The following SORBS2 variants were observed in gnomAD, a reference collection of about 807,000 sequenced individuals.
SORBS2 encodes sorbin and SH3 domain containing 2, also known as sorbin and SH3 domain-containing protein 2.
In SORBS2, 46 loss-of-function variants were observed where a neutral mutation model predicts 97.7. That is an observed-to-expected ratio of 0.47 (90% CI 0.37 to 0.60). The LOEUF is 0.60. Ranked by LOEUF, SORBS2 falls within the 20% of genes least tolerant of loss-of-function variation. The pLI, the probability that SORBS2 is intolerant of heterozygous loss-of-function variation, is 0.00. For synonymous variants in SORBS2, 476 were observed against 473.4 expected (o/e 1.01, Z -0.07); for missense variants, 1,316 against 1,282.3 (o/e 1.03, Z -0.40).
chr4:185,728,461 G>T (rs2098581616), intron 2 of SORBS2, among the ~76,000 whole-genome samples: 1 of 152,072 alleles, frequency 6.6e-6, no homozygotes, highest in Admixed American at 6.6e-5. Context: ...CTTATGCTCT[G>T]GATGAAAACT....
chr4:185,833,665 A>G lies in SORBS2; in HGVS notation c.-337-58299T>C, dbSNP rs528792978. 3.9e-5 allele frequency among the ~76,000 whole-genome samples: 6 copies of G among 152,334 alleles called. No individual in the cohort carries two copies. The East Asian group carries it at 1.2e-3, about 29-fold the overall frequency. ...TTTCTCCATATGAAAAATGGGAATT[A>G]TAGTATCAAATTCATAGGGTTTTAT... is the stretch of plus-strand genomic sequence containing the variant. On this transcript the variant is annotated intron_variant, in intron 1 of 20. Coordinates refer to the SORBS2 transcript ENST00000284776.
At chr4:185,760,971 A>G (rs1470820998) in intron 2 of SORBS2, among the ~76,000 whole-genome samples, 1 of 152,268 alleles carries the variant, frequency 6.6e-6, no homozygotes, top group Non-Finnish European at 1.5e-5. Flanking sequence ...AAAAGTTAAT[A>G]GATACAACCC....
chr4:185,681,982 A>C (rs565631276), intron 2 of SORBS2, among the ~76,000 whole-genome samples: 3 of 152,228 alleles, frequency 2.0e-5, no homozygotes. Context: ...TTTCTTTAGA[A>C]GACTCAAGTG....
intron 1 of SORBS2, among the ~76,000 whole-genome samples, chr4:185,942,526 T>C (rs996524528): frequency 1.3e-5 from 2 of 152,080 alleles, no homozygotes; most frequent in African/African-American, 4.8e-5. Context: ...GACTTTTGTA[T>C]TTTTAGTAGA....
At chr4:185,729,989 A>G (rs1432695957) in intron 2 of SORBS2, among the ~76,000 whole-genome samples, 1 of 151,856 alleles carries the variant, frequency 6.6e-6, no homozygotes, top group African/African-American at 2.4e-5. Context: ...GTCTTGCTCT[A>G]TCGCCCAGAC....
intron 9 of SORBS2, among the ~76,000 whole-genome samples, chr4:185,617,685 C>G (rs1366279449): frequency 6.6e-6 from 1 of 152,162 alleles, no homozygotes. Flanking sequence ...ATATATAAGT[C>G]TGCTTATGTG....
intron 2 of SORBS2, among the ~76,000 whole-genome samples, chr4:185,687,681 T>C (rs2097995132): frequency 6.6e-6 from 1 of 152,182 alleles, no homozygotes; most frequent in Admixed American, 6.5e-5. Context: ...ATCCTTGGGT[T>C]AGACAATTTA....
At chr4:185,752,591 A>T (rs34469648) in intron 2 of SORBS2, among the ~76,000 whole-genome samples, 67,829 of 152,114 alleles carry the variant, frequency 0.45, 15,575 homozygotes, top group Non-Finnish European at 0.5. Context: ...GCAGACTTTT[A>T]AAAAGATATA....
rs113811797 is a variant in SORBS2 at position 185,879,172 on chromosome 4, C to G, written c.-338+77024G>C. ...ATCTCCTAATGCTATCCCTCCCCCC[C>G]CCCCACCCCACGACAGGCCCCGGTG... On this transcript the variant is annotated intron_variant, in intron 1 of 20. Coordinates refer to the SORBS2 transcript ENST00000284776. Among the ~76,000 whole-genome samples, 23 of 100,328 alleles carry G rather than the reference C, an allele frequency of 2.3e-4. 1 individual carries two copies. The East Asian group carries it at 3.5e-3, about 15-fold the overall frequency. The allele number at this position is 100,328 out of a possible 152,430, so 65.8% of individuals were successfully genotyped here. A position where few individuals can be genotyped will look rare whatever the true frequency, so the allele number is the denominator to read the frequency against.
intron 2 of SORBS2, chr4:185,771,698 A>G (rs1282013961): frequency 6.6e-6 from 1 of 152,252 alleles, no homozygotes; most frequent in East Asian, 1.9e-4. Flanking sequence ...TTTGATGGCA[A>G]TTTAATTTTA....
chr4:185,623,077 C>T lies in SORBS2; in HGVS notation c.2052G>A (p.Arg684=), dbSNP rs753914447. ...GGTGGAGAGGCTGGTGCAGGGGGCTCCTCCTCAGCGCTCTCAGGGATGAGT... is the reference window on the plus strand; with the variant it reads ...GGTGGAGAGGCTGGTGCAGGGGGCTTCTCCTCAGCGCTCTCAGGGATGAGT... Residue 684 remains arginine (R), a synonymous_variant, in exon 7 of 15, where the codon AGG becomes AGA. Coordinates refer to ENST00000418609, the Ensembl canonical transcript of SORBS2. The surrounding 1 kb of genome is among the most constrained non-coding windows in gnomAD (Gnocchi z 6.4). 1 of 1,613,978 alleles carries T rather than the reference C, an allele frequency of 6.2e-7. No individual in the cohort carries two copies. The highest frequency in any genetic ancestry group is 2.2e-5 in the East Asian group (1 of 44,880).
intron 1 of SORBS2, among the ~76,000 whole-genome samples, chr4:185,907,708 A>C (rs1179504891): frequency 6.6e-6 from 1 of 152,180 alleles, no homozygotes. Context: ...AGATGTTATT[A>C]TAGGTATAGA....
At chr4:185,717,753 T>C (rs1216186162) in intron 2 of SORBS2, among the ~76,000 whole-genome samples, 1 of 152,320 alleles carries the variant, frequency 6.6e-6, no homozygotes, top group East Asian at 1.9e-4. Flanking sequence ...GATAGACAAT[T>C]CTTTTTCCGT....
chr4:185,732,761 C>A (rs760246870), intron 2 of SORBS2, among the ~76,000 whole-genome samples: 1 of 152,234 alleles, frequency 6.6e-6, no homozygotes, highest in Non-Finnish European at 1.5e-5. Context: ...AGTCCTTCCT[C>A]ACCCCCAGTA....
chr4:185,752,598 T>C (rs2153600414), intron 2 of SORBS2, among the ~76,000 whole-genome samples: 2 of 152,340 alleles, frequency 1.3e-5, no homozygotes, highest in South Asian at 4.1e-4. Context: ...TTTAAAAAGA[T>C]ATATTCAGCT....
In SORBS2 at chr4:185,877,867, C is replaced by CAAAAAAAAAAAAA. The variant is rs1491116547; in HGVS notation, c.-338+78328_-338+78329insTTTTTTTTTTTTT. Reference sequence around the variant, plus strand: ...CCTGGGTGACAGAGTGAGACTCTGTCAAAAAACAAAAAAAAAAAAGAAAGA... The same window carrying CAAAAAAAAAAAAA: ...CCTGGGTGACAGAGTGAGACTCTGTCAAAAAAAAAAAAAAAAAAACAAAAAAAAAAAAGAAAGA... On this transcript the variant is annotated intron_variant, in intron 1 of 20. Transcript: ENST00000284776. 1.5e-3 allele frequency among the ~76,000 whole-genome samples: 76 copies of CAAAAAAAAAAAAA among 50,254 alleles called. 2 individuals carry two copies. Among genetic ancestry groups the CAAAAAAAAAAAAA allele is most frequent in the Non-Finnish European group, 1.8e-3 (47 of 26,280 alleles). 33.0% of individuals were successfully genotyped at this position (50,254 alleles called of 152,430 possible).
intron 1 of SORBS2, among the ~76,000 whole-genome samples, chr4:185,917,675 G>A (rs116488963): frequency 0.012 from 1,785 of 152,238 alleles, 33 homozygotes; most frequent in African/African-American, 0.041. Flanking sequence ...TGGGGTTTGC[G>A]ACTGGTATCA....
intron 4 of SORBS2, 50 bp from the exon 15 acceptor site, chr4:185,638,212 T>G (rs765626150): frequency 9.0e-7 from 1 of 1,108,696 alleles, no homozygotes; most frequent in Non-Finnish European, 1.4e-6. Flanking sequence ...CTGAGCAAAG[T>G]GAGGGAAACG....
At chr4:185,925,736 A>G (rs1361153498) in intron 1 of SORBS2, among the ~76,000 whole-genome samples, 1 of 152,130 alleles carries the variant, frequency 6.6e-6, no homozygotes, top group African/African-American at 2.4e-5. Context: ...AGCACACAAG[A>G]TTACCTCCTC....
Sources: gnomAD v4.1 joint callset for allele counts (sites outside exome capture counted in the v4.1 genomes callset) on GRCh38, gnomAD v4.1.1 for gene constraint, Gnocchi (gnomAD v3.1) non-coding constraint, MANE v1.5 for transcripts, NCBI Gene and HGNC (gene_info 2026-07-23, HGNC 2026-07-21) for gene names.